Variants in NSD2 observed in about 807,000 individuals in gnomAD.
The protein encoded by NSD2 is nuclear receptor binding SET domain protein 2.
A neutral mutation model predicts 139.0 loss-of-function variants in NSD2; 12 were observed. That is an observed-to-expected ratio of 0.09 (90% confidence interval 0.06 to 0.14). The LOEUF is 0.14. Among genes scored for constraint, NSD2 ranks in the 10% least tolerant of loss-of-function variants. The pLI, the probability that NSD2 is intolerant of heterozygous loss-of-function variation, is 1.00. For synonymous variants in NSD2, 669 were observed against 648.7 expected (o/e 1.03, Z -0.48); for missense variants, 1,155 against 1,745.0 (o/e 0.66, Z 6.02).
At chr4:1,872,585 TGTGTGTGAGA>T (rs1459329047) in intron 1 of NSD2, among the ~76,000 whole-genome samples, 27 of 56,590 alleles carry the variant, frequency 4.8e-4, no homozygotes, top group African/African-American at 1.5e-3. Context: ...TGTGTGTGTG[TGTGTGTGAGA>T]GAGAGAGAGA....
chr4:1,905,606 T>G (rs966489020), intron 3 of NSD2, among the ~76,000 whole-genome samples: 10 of 152,314 alleles, frequency 6.6e-5, no homozygotes, highest in Middle Eastern at 3.4e-3. Context: ...CTGCTAGGAA[T>G]GGGGTACAGA....
At chr4:1,895,663 C>T (rs923125080) in intron 1 of NSD2, among the ~76,000 whole-genome samples, 2 of 152,152 alleles carry the variant, frequency 1.3e-5, no homozygotes, top group African/African-American at 4.8e-5. Context: ...TGGTGGGAGG[C>T]TGTGTTTACC....
chr4:1,956,219 A>G lies in NSD2; in HGVS notation c.2881+31A>G, dbSNP rs1287676846. 2 of 1,523,072 alleles carry G rather than the reference A, an allele frequency of 1.3e-6. No homozygotes were observed. Among genetic ancestry groups the G allele is most frequent in the Middle Eastern group, 1.8e-4 (1 of 5,688 alleles). 94.3% of individuals were successfully genotyped at this position (1,523,072 alleles called of 1,614,324 possible). A position where few individuals can be genotyped will look rare whatever the true frequency, so the allele number is the denominator to read the frequency against. The stretch of plus-strand genomic sequence containing the variant: ...GAGATATTCAGATAGAGAGTGAGAC[A>G]GCACTCTCGTGCATTTTCTTACCCC... On this transcript the variant is annotated intron_variant, in intron 15 of 21. Coordinates refer to ENST00000508803, the MANE Select transcript of NSD2 (RefSeq NM_001042424.3). This position sits in a 1 kb window ranked among gnomAD's most constrained non-coding sequence, Gnocchi z 5.3.
intron 18 of NSD2, among the ~76,000 whole-genome samples, chr4:1,970,029 G>GGGAAAGAGAGAAAGAAGGAATGTA (rs1248184689): frequency 2.6e-5 from 4 of 152,136 alleles, no homozygotes; most frequent in Non-Finnish European, 5.9e-5. Context: ...GAAAGAACCT[G>GGGAAAGAGAGAAAGAAGGAATGTA]GGAAAGAGAG....
chr4:1,897,219 TG>T, intron 1 of NSD2, among the ~76,000 whole-genome samples: 1 of 150,856 alleles, frequency 6.6e-6, no homozygotes, highest in Non-Finnish European at 1.5e-5. Flanking sequence ...CAGTGTCTCA[TG>T]CCTGTAATCC....
chr4:1,965,258 A>G lies in NSD2; in HGVS notation c.3372+4107A>G, dbSNP rs1399122838. On this transcript the variant is annotated intron_variant, in intron 18 of 21. Transcript: ENST00000508803. ...GTCAAGAAAATCATGCATGAACAAA[A>G]TGGCAGTATCAATGAAGAGATAGAA... Among the ~76,000 whole-genome samples the G allele has an allele frequency of 3.9e-5, 6 of 152,298 alleles. No individual in the cohort carries two copies. The East Asian group carries it at 1.2e-3, about 29-fold the overall frequency.
chr4:1,969,859 A>C (rs997574837), intron 18 of NSD2, among the ~76,000 whole-genome samples: 1 of 152,244 alleles, frequency 6.6e-6, no homozygotes, highest in Non-Finnish European at 1.5e-5. Flanking sequence ...ATAGCCAGGC[A>C]GAAAGGAGAG....
intron 6 of NSD2, among the ~76,000 whole-genome samples, chr4:1,932,663 T>C (rs1721800963): frequency 1.3e-5 from 2 of 152,086 alleles, no homozygotes; most frequent in African/African-American, 4.8e-5. Context: ...GGAGAATCGC[T>C]TGAACCTGGG....
Position 1,901,270 on chromosome 4 carries a change from G to A in NSD2, c.597+19G>A, listed in dbSNP as rs755316607. The A allele has an allele frequency of 2.3e-5, 36 of 1,542,348 alleles. No individual in the cohort carries two copies. Among genetic ancestry groups the A allele is most frequent in the Non-Finnish European group, 3.0e-5 (35 of 1,150,462 alleles). On this transcript the variant is annotated intron_variant, in intron 2 of 21. Transcript: ENST00000508803. Reference sequence around the variant, plus strand: ...TAAAAAGGTATTTAGGAGACGTTGTGTAAGGGGTCATGTGACCTTGAGCAG... The same window carrying A: ...TAAAAAGGTATTTAGGAGACGTTGTATAAGGGGTCATGTGACCTTGAGCAG...
intron 18 of NSD2, among the ~76,000 whole-genome samples, chr4:1,965,711 G>A (rs1725817461): frequency 6.6e-6 from 1 of 152,168 alleles, no homozygotes; most frequent in African/African-American, 2.4e-5. Context: ...CACATAACAG[G>A]GGAGGCCTCA....
At chr4:1,965,375 A>G (rs1025357715) in intron 18 of NSD2, among the ~76,000 whole-genome samples, 1 of 152,248 alleles carries the variant, frequency 6.6e-6, no homozygotes, top group African/African-American at 2.4e-5. Flanking sequence ...CATAAGGGGT[A>G]TGTGGGCTAC....
intron 5 of NSD2, among the ~76,000 whole-genome samples, chr4:1,925,526 G>A (rs1720781136): frequency 6.8e-6 from 1 of 147,488 alleles, no homozygotes; most frequent in Admixed American, 6.9e-5. Flanking sequence ...AGCCTCCCGA[G>A]TTGCTGAGAC....
chr4:1,981,191 G>A lies in NSD2; in HGVS notation c.*2282G>A, dbSNP rs1050033680. On this transcript the variant is annotated 3_prime_UTR_variant, in exon 22 of 22. Transcript: ENST00000508803. ...GAAATAATGCAAACATTTTAAATAT[G>A]TTTCTCCCCCTTTCCAAAAACTGTT... 5 of 233,140 alleles carry A rather than the reference G, an allele frequency of 2.1e-5. No individual in the cohort carries two copies. The highest frequency in any genetic ancestry group is 1.1e-4 in the African/African-American group (5 of 45,330). The allele number at this position is 233,140 out of a possible 1,614,324, so 14.4% of individuals were successfully genotyped here. A position where few individuals can be genotyped will look rare whatever the true frequency, so the allele number is the denominator to read the frequency against.
At chr4:1,957,672 CAG>C (rs1264323382) in intron 15 of NSD2, among the ~76,000 whole-genome samples, 1 of 152,100 alleles carries the variant, frequency 6.6e-6, no homozygotes, top group Admixed American at 6.6e-5. Flanking sequence ...TAGTGGAGGA[CAG>C]GGAGCTCCCG....
chr4:1,889,352 C>G (rs191017495), intron 1 of NSD2, among the ~76,000 whole-genome samples: 2 of 152,236 alleles, frequency 1.3e-5, no homozygotes, highest in African/African-American at 4.8e-5. Flanking sequence ...CGCTTCCACA[C>G]CCAGCTAACT....
intron 9 of NSD2, chr4:1,940,048 C>G (rs958551594): frequency 3.1e-6 from 4 of 1,310,198 alleles, no homozygotes; most frequent in African/African-American, 1.5e-5. Flanking sequence ...TTTCATAGTT[C>G]TTAAAATCTG....
rs1027332396 is a variant in NSD2 at position 1,978,507 on chromosome 4, G to T, written c.3827-131G>T. 28 of 1,327,864 alleles carry T rather than the reference G, an allele frequency of 2.1e-5. No homozygotes were observed. The African/African-American group carries it at 2.9e-4, about 14-fold the overall frequency. The allele number at this position is 1,327,864 out of a possible 1,614,324, so 82.3% of individuals were successfully genotyped here. A position where few individuals can be genotyped will look rare whatever the true frequency, so the allele number is the denominator to read the frequency against. ...GCTGTGGTAGACAGTTTGTCTGCCC[G>T]TCCTGTTCGCTGGAGCCAGCACTAT... On this transcript the variant is annotated intron_variant, in intron 21 of 21. Coordinates refer to ENST00000508803, the MANE Select transcript of NSD2 (RefSeq NM_001042424.3).
intron 3 of NSD2, among the ~76,000 whole-genome samples, chr4:1,914,507 G>A (rs1281425092): frequency 6.6e-6 from 1 of 152,012 alleles, no homozygotes; most frequent in Non-Finnish European, 1.5e-5. Context: ...TTGTGTTTTA[G>A]TAGAGACAGG....
At chr4:1,921,443 G>A (rs947296511) in intron 5 of NSD2, among the ~76,000 whole-genome samples, 1 of 149,038 alleles carries the variant, frequency 6.7e-6, no homozygotes, top group Non-Finnish European at 1.5e-5. Context: ...TGGCGACAGA[G>A]CGAGACTCCG....
Sources: gnomAD v4.1 joint callset for allele counts (sites outside exome capture counted in the v4.1 genomes callset) on GRCh38, gnomAD v4.1.1 for gene constraint, Gnocchi (gnomAD v3.1) non-coding constraint, MANE v1.5 for transcripts, NCBI Gene and HGNC (gene_info 2026-07-23, HGNC 2026-07-21) for gene names.